Variants in DAXX observed in about 807,000 individuals in gnomAD.
The protein encoded by DAXX is death domain associated protein.
DAXX carries 24 observed loss-of-function variants against 61.9 expected under a neutral mutation model. The ratio of observed to expected loss-of-function variants is 0.39; its 90% CI spans 0.28 to 0.55. The LOEUF is 0.55. Among genes scored for constraint, DAXX ranks in the 20% least tolerant of loss-of-function variants. The pLI is 0.69. For synonymous variants in DAXX, 357 were observed against 369.5 expected, an observed-to-expected ratio of 0.97 and a Z score of 0.39; for missense variants, 819 against 935.3, an observed-to-expected ratio of 0.88 and a Z score of 1.62.
chr6:33,319,471 C>T lies in DAXX; in HGVS notation c.1849G>A (p.Val617Ile), dbSNP rs148540788. The change falls in exon 6 of 8, where the codon GTC becomes ATC. Residue 617 changes from valine (V) to isoleucine (I), a missense_variant. By Grantham distance (29) the Val-to-Ile change is conservative. Coordinates refer to ENST00000374542, the MANE Select transcript of DAXX (RefSeq NM_001141969.2). ...MVSSTSFNGGVSPHNWGDSGP... is the reference protein window; with the variant it reads ...MVSSTSFNGGISPHNWGDSGP... ...GAATCTCCCCAGTTGTGAGGAGAGA[C>T]GCCTCCATTGAAGGAAGTAGAAGAG... The T allele has an allele frequency of 2.0e-5, 33 of 1,613,822 alleles. No homozygotes were observed. Among genetic ancestry groups the T allele is most frequent in the African/African-American group, 8.0e-5 (6 of 74,908 alleles).
Position 33,322,916 on chromosome 6 carries a change from G to A in DAXX, c.-107C>T, listed in dbSNP as rs778259621. 2.8e-6 allele frequency: 4 copies of A among 1,435,710 alleles called. No homozygotes were observed. The highest frequency in any genetic ancestry group is 3.8e-6 in the Non-Finnish European group (4 of 1,060,376). The allele number at this position is 1,435,710 out of a possible 1,614,324, so 88.9% of individuals were successfully genotyped here. The stretch of plus-strand genomic sequence containing the variant: ...GCCGCAATTCTCAGAACCTCGCATG[G>A]TTCCCTCCGCCTTCCTTCCCACTCC... On this transcript the variant is annotated 5_prime_UTR_variant, in exon 1 of 8. Transcript: ENST00000374542.
In DAXX at chr6:33,319,233, C is replaced by A. The variant is rs2150987818; in HGVS notation, c.1941-14G>T. On this transcript the variant is annotated splice_polypyrimidine_tract_variant and intron_variant, in intron 6 of 7. Transcript: ENST00000374542. ...CTTTCCACATAGCTAGAAACAGAAA[C>A]ATAAATATGTGGAGGGGTACGGGAA... is the stretch of plus-strand genomic sequence containing the variant. 1.3e-6 allele frequency: 2 copies of A among 1,585,798 alleles called. No individual in the cohort carries two copies. Among genetic ancestry groups the A allele is most frequent in the South Asian group, 1.1e-5 (1 of 87,156 alleles).
chr6:33,321,601 G>A lies in DAXX; in HGVS notation c.208-34C>T, dbSNP rs1246525920. ...TTCAGGGGAAGAAGGAAGGGGAAGA[G>A]AGACAAGGGAGGGGGTTGAGAGAAA... On this transcript the variant is annotated intron_variant, in intron 2 of 7. Coordinates refer to ENST00000374542, the MANE Select transcript of DAXX (RefSeq NM_001141969.2). The surrounding 1 kb of genome is among the most constrained non-coding windows in gnomAD (Gnocchi z 7.2). 3.7e-6 allele frequency: 6 copies of A among 1,603,202 alleles called. No individual in the cohort carries two copies. The highest frequency in any genetic ancestry group is 3.4e-5 in the Admixed American group (2 of 59,506).
At position 33,320,319 on chromosome 6, in the gene DAXX, T is replaced by A. The variant is rs1239827121; in HGVS notation, c.1251+61A>T. The stretch of plus-strand genomic sequence containing the variant: ...TGCTCCCCCATCAGTCAACCTGGAC[T>A]CCCTGGTGGCCAGTGCAGGGGAAGG... On this transcript the variant is annotated intron_variant, in intron 4 of 7. Transcript: ENST00000374542. The surrounding 1 kb of genome is among the most constrained non-coding windows in gnomAD (Gnocchi z 7.1). 7.0e-7 allele frequency: 1 copy of A among 1,438,002 alleles called. No individual in the cohort carries two copies. Among genetic ancestry groups the A allele is most frequent in the Non-Finnish European group, 9.8e-7 (1 of 1,019,270 alleles). The allele number at this position is 1,438,002 out of a possible 1,614,324, so 89.1% of individuals were successfully genotyped here.
chr6:33,319,626 T>G lies in DAXX; in HGVS notation c.1694A>C (p.Gln565Pro), dbSNP rs910218439. 6.2e-7 allele frequency: 1 copy of G among 1,613,770 alleles called. No homozygotes were observed. Among genetic ancestry groups the G allele is most frequent in the Non-Finnish European group, 8.5e-7 (1 of 1,179,640 alleles). Reference sequence around the variant, plus strand: ...AGCTTCAATCTCTAGCTCAAAGAGCTGAGACACAGGGCTTTCTTCCTCCAG... The same window carrying G: ...AGCTTCAATCTCTAGCTCAAAGAGCGGAGACACAGGGCTTTCTTCCTCCAG... ...LTLEEESPVS[Q>P]LFELEIEALP... is the part of the protein sequence containing the mutation. The change falls in exon 6 of 8, where the codon CAG becomes CCG. Residue 565 changes from glutamine (Q) to proline (P), a missense_variant. Transcript: ENST00000374542.
intron 1 of DAXX, 49 bp downstream of exon 1, chr6:33,322,813 C>T: frequency 1.1e-6 from 1 of 937,966 alleles, no homozygotes; most frequent in Non-Finnish European, 1.6e-6. Context: ...ATACCTCTCC[C>T]TCTATATCCC....
In DAXX at chr6:33,320,858, C is replaced by CG; in HGVS notation, c.916dup (p.Arg306ProfsTer38). 1 of 1,614,164 alleles carries CG rather than the reference C, an allele frequency of 6.2e-7. No homozygotes were observed. The highest frequency in any genetic ancestry group is 8.5e-7 in the Non-Finnish European group (1 of 1,180,014). ...CTGAGCCATGAGCTGGAGCTGCTGT[C>CG]GGGGGAGGCCAAGGCTGTGTCGGGC... On this transcript the variant is annotated frameshift_variant, in exon 3 of 8. Coordinates refer to ENST00000374542, the MANE Select transcript of DAXX (RefSeq NM_001141969.2). LOFTEE classifies it high-confidence loss of function. This position sits in a 1 kb window ranked among gnomAD's most constrained non-coding sequence, Gnocchi z 7.1.
Position 33,319,609 on chromosome 6 carries a change from T to C in DAXX, c.1711A>G (p.Ile571Val). ...SPVSQLFELEIEALPLDTPSS... is the reference protein window; with the variant it reads ...SPVSQLFELEVEALPLDTPSS... ...GGGGTATCCAGGGGCAAAGCTTCAA[T>C]CTCTAGCTCAAAGAGCTGAGACACA... The change falls in exon 6 of 8, where the codon ATT (isoleucine) becomes GTT (valine). Residue 571 changes from isoleucine to valine, a missense_variant. Coordinates refer to ENST00000374542, the MANE Select transcript of DAXX (RefSeq NM_001141969.2). 2.5e-6 allele frequency: 4 copies of C among 1,614,016 alleles called. No homozygotes were observed. The highest frequency in any genetic ancestry group is 3.4e-6 in the Non-Finnish European group (4 of 1,179,938).
intron 1 of DAXX, 133 bp downstream of exon 1, chr6:33,322,729 G>A (rs1322597223): frequency 2.4e-5 from 3 of 124,726 alleles, no homozygotes; most frequent in South Asian, 1.1e-4. Flanking sequence ...TTCAGCCCCC[G>A]GCCGCTCCAC....
rs1770659603 is a variant in DAXX, at chr6:33,321,812, G to A, written c.114C>T (p.Ala38=). The A allele has an allele frequency of 6.2e-7, 1 of 1,612,606 alleles. No homozygotes were observed. ...LPNAASPGAE[A]PSSSEPHGAR... ...CCCCATGAGGCTCAGAGGAGCTAGGGGCTTCTGCCCCAGGTGAGGCCGCAT... is the reference window on the plus strand; with the variant it reads ...CCCCATGAGGCTCAGAGGAGCTAGGAGCTTCTGCCCCAGGTGAGGCCGCAT... The change falls in exon 2 of 8, where the codon GCC becomes GCT. Residue 38 remains alanine (A), a synonymous_variant. Coordinates refer to ENST00000374542, the MANE Select transcript of DAXX (RefSeq NM_001141969.2). The surrounding 1 kb of genome is among the most constrained non-coding windows in gnomAD (Gnocchi z 7.2).
In DAXX at chr6:33,321,147, A is replaced by T. The variant is rs754230089; in HGVS notation, c.628T>A (p.Leu210Met). ...GGGTCATCCAATTCTGAGAGATCCA[A>T]CTCCTTTTCCTGCAGCCGCCGGATC... Reference protein sequence around the residue: ...AEIRRLQEKELDLSELDDPDS... With the variant: ...AEIRRLQEKEMDLSELDDPDS... The change falls in exon 3 of 8, where the codon TTG becomes ATG. Residue 210 changes from leucine to methionine, a missense_variant. By Grantham distance (15) the Leu-to-Met change is conservative (BLOSUM62 2). Coordinates refer to ENST00000374542, the MANE Select transcript of DAXX (RefSeq NM_001141969.2). This position sits in a 1 kb window ranked among gnomAD's most constrained non-coding sequence, Gnocchi z 7.2. 6.2e-7 allele frequency: 1 copy of T among 1,613,396 alleles called. No individual in the cohort carries two copies. The highest frequency in any genetic ancestry group is 8.5e-7 in the Non-Finnish European group (1 of 1,179,560).
intron 1 of DAXX, 176 bp downstream of exon 1, chr6:33,322,686 A>T: frequency 2.7e-6 from 1 of 373,674 alleles, no homozygotes; most frequent in Non-Finnish European, 5.2e-6. Context: ...CCGGTCCGCT[A>T]GATGCGCTTC....
chr6:33,321,095 C>A lies in DAXX; in HGVS notation c.680G>T (p.Arg227Leu), dbSNP rs1450224002. The A allele has an allele frequency of 6.2e-7, 1 of 1,612,686 alleles. No homozygotes were observed. The highest frequency in any genetic ancestry group is 8.5e-7 in the Non-Finnish European group (1 of 1,178,628). The stretch of plus-strand genomic sequence containing the variant: ...GAGGCGGATCAGCTTACGCTTCAAC[C>A]GTGCCTCCTGCAGGTATGCGGAGTC... ...DPDSAYLQEA[R>L]LKRKLIRLFG... The change falls in exon 3 of 8, where the codon CGG (arginine) becomes CTG (leucine). Residue 227 changes from arginine to leucine, a missense_variant. By Grantham distance (102) the Arg-to-Leu change is moderately radical. Coordinates refer to ENST00000374542, the MANE Select transcript of DAXX (RefSeq NM_001141969.2). The surrounding 1 kb of genome is among the most constrained non-coding windows in gnomAD (Gnocchi z 7.2).
Position 33,321,713 on chromosome 6 carries a change from G to T in DAXX, c.207+6C>A. The T allele has an allele frequency of 6.2e-7, 1 of 1,612,876 alleles. No homozygotes were observed. The highest frequency in any genetic ancestry group is 8.5e-7 in the Non-Finnish European group (1 of 1,179,790). On this transcript the variant is annotated splice_donor_region_variant and intron_variant, in intron 2 of 7. Transcript: ENST00000374542. The surrounding 1 kb of genome is among the most constrained non-coding windows in gnomAD (Gnocchi z 7.2). ...GGGTACAACAATCTTCCCCGCTAAA[G>T]CTCACCTCTTCGAACAGCTTCTCAT...
rs1174235669 is a variant in DAXX at position 33,321,859 on chromosome 6, C to G, written c.67G>C (p.Gly23Arg). 6.2e-7 allele frequency: 1 copy of G among 1,612,888 alleles called. No homozygotes were observed. The highest frequency in any genetic ancestry group is 1.7e-5 in the Admixed American group (1 of 60,010). The change falls in exon 2 of 8, where the codon GGG becomes CGG. Residue 23 changes from glycine (G) to arginine (R), a missense_variant. Coordinates refer to ENST00000374542, the MANE Select transcript of DAXX (RefSeq NM_001141969.2). The surrounding 1 kb of genome is among the most constrained non-coding windows in gnomAD (Gnocchi z 7.2). The stretch of plus-strand genomic sequence containing the variant: ...GCATTGGGGAGTGGGTGGGAGGGCC[C>G]TGGCTGAGCAGCTGCTTCATCTTCG... ...DDEDEAAAQP[G>R]PSHPLPNAAS...
rs535673316 is a variant in DAXX at position 33,319,692 on chromosome 6, A to G, written c.1628T>C (p.Ile543Thr). 1 of 1,614,194 alleles carries G rather than the reference A, an allele frequency of 6.2e-7. No individual in the cohort carries two copies. The highest frequency in any genetic ancestry group is 1.3e-5 in the African/African-American group (1 of 75,034). The change falls in exon 6 of 8, where the codon ATA becomes ACA. Residue 543 changes from isoleucine to threonine, a missense_variant. Ile to Thr is a moderately conservative substitution (Grantham distance 89, BLOSUM62 -1). Coordinates refer to ENST00000374542, the MANE Select transcript of DAXX (RefSeq NM_001141969.2). The stretch of plus-strand genomic sequence containing the variant: ...CTGTTCTCCATTGCTTTCAGCATCT[A>G]TGCTGGAGGGGGCCAGGGGTTCTTC... ...LSEEPLAPSS[I>T]DAESNGEQPE...
chr6:33,319,099 G>T lies in DAXX; in HGVS notation c.2061C>A (p.Asp687Glu). The T allele has an allele frequency of 1.2e-6, 2 of 1,614,202 alleles. No individual in the cohort carries two copies. The highest frequency in any genetic ancestry group is 1.7e-6 in the Non-Finnish European group (2 of 1,180,050). The change falls in exon 7 of 8, where the codon GAC (aspartate) becomes GAA (glutamate). Residue 687 changes from aspartate to glutamate, a missense_variant. Asp to Glu is a conservative substitution (Grantham distance 45). Transcript: ENST00000374542. ...TGGTCACCAGGCCATGGCTGGGAGA[G>T]TCCACCCTCGTGGAGGAATCAGCAA... is the stretch of plus-strand genomic sequence containing the variant. ...APVADSSTRVDSPSHGLVTSS... is the reference protein window; with the variant it reads ...APVADSSTRVESPSHGLVTSS...
In DAXX at chr6:33,322,020, C is replaced by T. The variant is rs1770691428; in HGVS notation, c.-52-43G>A. 3.5e-6 allele frequency: 5 copies of T among 1,419,378 alleles called. No homozygotes were observed. The East Asian group carries it at 1.2e-4, about 35-fold the overall frequency. The allele number at this position is 1,419,378 out of a possible 1,614,324, so 87.9% of individuals were successfully genotyped here. On this transcript the variant is annotated intron_variant, in intron 1 of 7. Transcript: ENST00000374542. ...CTCAGAATGAGCCCCTCCAGCATAG[C>T]CCCATCCCTTCACCTCACACATTTT...
chr6:33,318,627 AAG>A lies in DAXX; in HGVS notation c.*114_*115del. On this transcript the variant is annotated 3_prime_UTR_variant, in exon 8 of 8. Coordinates refer to ENST00000374542, the MANE Select transcript of DAXX (RefSeq NM_001141969.2). ...AAACTTAAGCTTTTTTTTTTTTTTA[AAG>A]AAACACCACCAAAAGGGGATTAGCT... 4.6e-6 allele frequency: 2 copies of A among 431,298 alleles called. No individual in the cohort carries two copies. Among genetic ancestry groups the A allele is most frequent in the Admixed American group, 4.3e-5 (1 of 23,396 alleles). 26.7% of individuals were successfully genotyped at this position (431,298 alleles called of 1,614,324 possible).
Sources: gnomAD v4.1 joint callset for allele counts on GRCh38, gnomAD v4.1.1 for gene constraint, Gnocchi (gnomAD v3.1) non-coding constraint, MANE v1.5 for transcripts, NCBI Gene and HGNC (gene_info 2026-07-23, HGNC 2026-07-21) for gene names.